ZIC3: variants seen among roughly 807,000 people sequenced by gnomAD.
The protein encoded by ZIC3 is zinc finger protein ZIC 3.
Under a neutral mutation model 18.3 loss-of-function variants are expected in ZIC3, and 6 were observed. The ratio of observed to expected loss-of-function variants is 0.33; its 90% CI spans 0.18 to 0.65. The LOEUF (loss-of-function observed/expected upper bound fraction) is 0.65, where lower values mean the gene tolerates loss of function less well. Ranked by LOEUF, ZIC3 falls within the 30% of genes least tolerant of loss-of-function variation. ZIC3 has a pLI of 0.75. For missense variants in ZIC3, 260 were observed against 410.0 expected, an observed-to-expected ratio of 0.63 and a Z score of 3.16; for synonymous variants, 175 against 177.0, an observed-to-expected ratio of 0.99 and a Z score of 0.09.
At chrX:137,573,623 G>C (rs1392545422), downstream of ZIC3, 1 of 112,792 alleles carries the variant, frequency 8.9e-6, no homozygotes, top group African/African-American at 3.2e-5. Flanking sequence ...CTCTTAACAT[G>C]TAAGTTTGTG....
At position 137,567,307 on chromosome X, in the gene ZIC3, C is replaced by A; in HGVS notation, c.616C>A (p.Arg206Ser). 2.5e-6 allele frequency: 3 copies of A among 1,211,507 alleles called. No individual in the cohort carries two copies. Among genetic ancestry groups the A allele is most frequent in the Non-Finnish European group, 2.2e-6 (2 of 895,627 alleles). The change falls in exon 1 of 3, where the codon CGC becomes AGC. Residue 206 changes from arginine to serine, a missense_variant. Arg to Ser is a moderately radical substitution (Grantham distance 110). Transcript: ENST00000287538. ...CCCATACCGCCCAGTGGCCAGCCCG[C>A]GCACGGACCCCTACGCGGCCGGCGC... ...ADPYRPVASPRTDPYAAGAQF... is the reference protein window; with the variant it reads ...ADPYRPVASPSTDPYAAGAQF...
chrX:137,569,206 T>C (rs1257612206), intron 2 of ZIC3, 141 bp downstream of exon 2: 3 of 312,207 alleles, frequency 9.6e-6, no homozygotes, highest in Non-Finnish European at 9.9e-6. Flanking sequence ...CTTGAACCCA[T>C]TTTGGGGACC....
downstream of ZIC3, among the ~76,000 whole-genome samples, chrX:137,574,351 G>GC (rs1931483367): frequency 8.8e-6 from 1 of 113,488 alleles, no homozygotes; most frequent in African/African-American, 3.2e-5. Context: ...CCGCGCGGGT[G>GC]CCCAGGGGCT....
In ZIC3 at chrX:137,566,403, T is replaced by C. The variant is rs750446491; in HGVS notation, c.-289T>C. On this transcript the variant is annotated 5_prime_UTR_variant, in exon 1 of 3. Transcript: ENST00000287538. ...CTTATTTTTCTTTGTGCGCGCCTGT[T>C]AGTTTGTTAAACCAGATCTAGTCCG... 2.4e-6 allele frequency: 1 copy of C among 409,474 alleles called. No individual in the cohort carries two copies. The highest frequency in any genetic ancestry group is 4.4e-5 in the South Asian group (1 of 22,549). 33.7% of individuals were successfully genotyped at this position (409,474 alleles called of 1,213,427 possible).
downstream of ZIC3, among the ~76,000 whole-genome samples, chrX:137,572,925 A>T (rs2124188404): frequency 9.0e-6 from 1 of 111,101 alleles, no homozygotes; most frequent in African/African-American, 3.3e-5. Flanking sequence ...GAGAATATAA[A>T]AGTTTTGCCC....
intron 2 of ZIC3, among the ~76,000 whole-genome samples, chrX:137,569,573 G>A (rs753599733): frequency 8.9e-6 from 1 of 112,532 alleles, no homozygotes; most frequent in African/African-American, 3.2e-5. Flanking sequence ...TGGGCCCGGA[G>A]TTAGTATTTT....
At position 137,566,567 on chromosome X, in the gene ZIC3, G is replaced by C; in HGVS notation, c.-125G>C. On this transcript the variant is annotated 5_prime_UTR_variant, in exon 1 of 3. Transcript: ENST00000287538. ...AAGTTGCAGCCCCTGGTAGCGCCTT[G>C]GGGGTCTCCCCGCAGTGTCCAACCG... is the stretch of plus-strand genomic sequence containing the variant. 9.1e-7 allele frequency: 1 copy of C among 1,103,205 alleles called. No individual in the cohort carries two copies. Among genetic ancestry groups the C allele is most frequent in the East Asian group, 3.4e-5 (1 of 29,648 alleles). 90.9% of individuals were successfully genotyped at this position (1,103,205 alleles called of 1,213,427 possible).
downstream of ZIC3, among the ~76,000 whole-genome samples, chrX:137,572,831 T>C (rs1322765769): frequency 2.7e-5 from 3 of 111,357 alleles, no homozygotes; most frequent in East Asian, 8.5e-4. Context: ...TATTCTACCA[T>C]AAAATTTTAC....
chrX:137,573,157 A>C (rs1264698563), downstream of ZIC3, among the ~76,000 whole-genome samples: 7 of 69,745 alleles, frequency 1.0e-4, no homozygotes, highest in African/African-American at 2.2e-4. Context: ...AAAAAAAAAA[A>C]AAACCAAACA....
rs751413121 is a variant in ZIC3, at chrX:137,567,059, G to A, written c.368G>A (p.Arg123His). 2 of 1,175,957 alleles carry A rather than the reference G, an allele frequency of 1.7e-6. No homozygotes were observed. Among genetic ancestry groups the A allele is most frequent in the South Asian group, 1.9e-5 (1 of 53,607 alleles). ...NSTREFLFRQ[R>H]SSGLSEAASG... ...ACGCGCGAGTTTCTGTTCCGCCAGC[G>A]CAGCTCCGGGCTCAGTGAGGCGGCC... is the stretch of plus-strand genomic sequence containing the variant. Residue 123 changes from arginine to histidine, a missense_variant, in exon 1 of 3, where the codon CGC becomes CAC. Physicochemically the swap from Arg to His is conservative, Grantham distance 29. Coordinates refer to ENST00000287538, the MANE Select transcript of ZIC3 (RefSeq NM_003413.4).
Position 137,566,757 on chromosome X carries a change from G to A in ZIC3, c.66G>A (p.Pro22=). Residue 22 remains proline (P), a synonymous_variant, in exon 1 of 3, where the codon CCG becomes CCA. Coordinates refer to ENST00000287538, the MANE Select transcript of ZIC3 (RefSeq NM_003413.4). ...TGGGAGTGGGCAGCTTCGGCGCGCC[G>A]CGCCACCACGAGATGCCCAACCGTG... ...PGLGVGSFGA[P]RHHEMPNREP... 8.4e-7 allele frequency: 1 copy of A among 1,189,795 alleles called. No individual in the cohort carries two copies. Among genetic ancestry groups the A allele is most frequent in the South Asian group, 1.8e-5 (1 of 54,370 alleles).
downstream of ZIC3, among the ~76,000 whole-genome samples, chrX:137,576,348 G>C (rs1931514694): frequency 8.9e-6 from 1 of 112,167 alleles, no homozygotes; most frequent in Admixed American, 9.5e-5. Context: ...AGCCCAGATC[G>C]TCTCTTAAAT....
intron 1 of ZIC3, among the ~76,000 whole-genome samples, chrX:137,568,087 C>A (rs1308288632): frequency 3.5e-5 from 4 of 113,306 alleles, no homozygotes; most frequent in Non-Finnish European, 5.6e-5. Context: ...ATATTGCTTA[C>A]AAGCGACTTA....
Position 137,567,597 on chromosome X carries a change from C to A in ZIC3, c.906C>A (p.Cys302Ter). 8.2e-7 allele frequency: 1 copy of A among 1,212,306 alleles called. No individual in the cohort carries two copies. Among genetic ancestry groups the A allele is most frequent in the Non-Finnish European group, 1.1e-6 (1 of 895,614 alleles). The change falls in exon 1 of 3, where the codon TGC becomes TGA. Residue 302 changes from cysteine (C) to a stop codon, truncating the protein, a stop_gained. Coordinates refer to ENST00000287538, the MANE Select transcript of ZIC3 (RefSeq NM_003413.4). LOFTEE classifies it high-confidence loss of function. ...ACCACGTCTGCTACTGGGAGGAGTGCCCCCGGGAGGGCAAGTCTTTCAAGG... is the reference window on the plus strand; with the variant it reads ...ACCACGTCTGCTACTGGGAGGAGTGACCCCGGGAGGGCAAGTCTTTCAAGG... ...QNNHVCYWEECPREGKSFKAK... is the reference protein window; with the variant it reads ...QNNHVCYWEE
rs1164571778 is a variant in ZIC3, at chrX:137,571,547, C to CAATTATG, written c.*1483_*1484insGAATTAT. ...TATATAGTTCAATTCATAATTATCGCAATTATCCATAACATTTATATAGCG... is the reference window on the plus strand; with the variant it reads ...TATATAGTTCAATTCATAATTATCGCAATTATGAATTATCCATAACATTTATATAGCG... On this transcript the variant is annotated 3_prime_UTR_variant, in exon 3 of 3. Transcript: ENST00000287538. 8.9e-6 allele frequency: 1 copy of CAATTATG among 112,218 alleles called. No homozygotes were observed. The highest frequency in any genetic ancestry group is 3.2e-5 in the African/African-American group (1 of 30,828). The allele number at this position is 112,218 out of a possible 1,213,427, so 9.2% of individuals were successfully genotyped here. A position where few individuals can be genotyped will look rare whatever the true frequency, so the allele number is the denominator to read the frequency against.
chrX:137,566,537 A>C lies in ZIC3; in HGVS notation c.-155A>C. On this transcript the variant is annotated 5_prime_UTR_variant, in exon 1 of 3. Transcript: ENST00000287538. The stretch of plus-strand genomic sequence containing the variant: ...CCCTCTGCAGGAGACTCTTGCAGTG[A>C]CGGAAAGTTGCAGCCCCTGGTAGCG... The C allele has an allele frequency of 1.2e-6, 1 of 831,470 alleles. No individual in the cohort carries two copies. The allele number at this position is 831,470 out of a possible 1,213,427, so 68.5% of individuals were successfully genotyped here.
At chrX:137,575,226 G>T (rs775097835), downstream of ZIC3, among the ~76,000 whole-genome samples, 1 of 111,991 alleles carries the variant, frequency 8.9e-6, no homozygotes, top group East Asian at 2.8e-4. Context: ...AAAATGCCCC[G>T]GCTGTTAGAC....
At position 137,566,174 on chromosome X, in the gene ZIC3, C is replaced by A. The variant is rs1486928820; in HGVS notation, c.-518C>A. 3 of 147,455 alleles carry A rather than the reference C, an allele frequency of 2.0e-5. No individual in the cohort carries two copies. Among genetic ancestry groups the A allele is most frequent in the Non-Finnish European group, 3.9e-5 (3 of 76,865 alleles). The allele number at this position is 147,455 out of a possible 1,213,427, so 12.2% of individuals were successfully genotyped here. On this transcript the variant is annotated 5_prime_UTR_variant, in exon 1 of 3. Transcript: ENST00000287538. ...GGAGGCGAAGAGGCTGGGACTCGCG[C>A]GGCGAGCGGCAAGCGGCGAGTAACG...
intron 2 of ZIC3, 25 bp downstream of exon 2, chrX:137,569,090 G>A (rs1931399581): frequency 6.6e-6 from 8 of 1,208,240 alleles, no homozygotes; most frequent in African/African-American, 1.8e-5. Flanking sequence ...ATTAGCGGTC[G>A]GCGGTTTGTA....
Sources: allele counts gnomAD v4.1 joint callset (sites outside exome capture counted in the v4.1 genomes callset), GRCh38; gene constraint gnomAD v4.1.1; transcripts MANE v1.5; gene names NCBI Gene and HGNC (gene_info 2026-07-23, HGNC 2026-07-21).